Variants in LRP1B observed in about 807,000 individuals in gnomAD.
LRP1B encodes the protein LDL receptor related protein 1B, also known as low-density lipoprotein receptor-related protein 1B.
A neutral mutation model predicts 556.6 loss-of-function variants in LRP1B; 217 were observed. The ratio of observed to expected loss-of-function variants is 0.39; its 90% confidence interval spans 0.35 to 0.44. LRP1B has a LOEUF of 0.44. Ranked by LOEUF, LRP1B falls within the 20% of genes least tolerant of loss-of-function variation. The pLI is 1.00. For missense variants in LRP1B, 5,053 were observed against 5,620.8 expected, an observed-to-expected ratio of 0.90 and a Z score of 3.23; for synonymous variants, 2,047 against 1,865.8, an observed-to-expected ratio of 1.10 and a Z score of -2.50.
At chr2:140,635,652 C>T (rs1201099263) in intron 41 of LRP1B, among the ~76,000 whole-genome samples, 1 of 151,774 alleles carries the variant, frequency 6.6e-6, no homozygotes, top group Non-Finnish European at 1.5e-5. Flanking sequence ...GTTTTATGTC[C>T]TATACTATAT....
intron 1 of LRP1B, among the ~76,000 whole-genome samples, chr2:142,056,172 G>T (rs1643367766): frequency 6.6e-6 from 1 of 151,896 alleles, no homozygotes; most frequent in Non-Finnish European, 1.5e-5. Flanking sequence ...AAAATAAAAA[G>T]TGTTCACAGT....
chr2:140,705,448 C>T (rs766121494), intron 37 of LRP1B, among the ~76,000 whole-genome samples: 16 of 141,780 alleles, frequency 1.1e-4, no homozygotes, highest in South Asian at 2.3e-4. Flanking sequence ...CACTGGAACC[C>T]GGGACACAGA....
chr2:141,427,486 G>C (rs1050754670), intron 3 of LRP1B, among the ~76,000 whole-genome samples: 1 of 152,146 alleles, frequency 6.6e-6, no homozygotes. Context: ...CAAAATTGCT[G>C]TCTTGATTTA....
At position 140,541,947 on chromosome 2, in the gene LRP1B, T is replaced by A; in HGVS notation, c.7219A>T (p.Thr2407Ser). ...TCATAAACAGCCAAACTGAGGAAAG[T>A]CCCTGGCCCAGATTTAACTATCACC... ...RHVIVKSGPGTFLSLAVYDNY... is the reference protein window; with the variant it reads ...RHVIVKSGPGSFLSLAVYDNY... The change falls in exon 44 of 91, where the codon ACT becomes TCT. Residue 2407 changes from threonine (T) to serine (S), a missense_variant. This residue lies in a region of LRP1B where 3,619 missense variants were observed against 3,931.9 expected (regional missense o/e 0.92). Coordinates refer to ENST00000389484, the MANE Select transcript of LRP1B (RefSeq NM_018557.3). The A allele has an allele frequency of 6.2e-7, 1 of 1,605,912 alleles. No homozygotes were observed. Among genetic ancestry groups the A allele is most frequent in the South Asian group, 1.1e-5 (1 of 89,776 alleles).
intron 3 of LRP1B, among the ~76,000 whole-genome samples, chr2:141,278,157 G>T (rs1033439053): frequency 3.3e-5 from 5 of 151,954 alleles, no homozygotes; most frequent in African/African-American, 1.2e-4. Flanking sequence ...CAAAGGTAAA[G>T]GAAAAAAATA....
At chr2:141,483,765 T>C (rs1342238823) in intron 2 of LRP1B, among the ~76,000 whole-genome samples, 3 of 152,052 alleles carry the variant, frequency 2.0e-5, no homozygotes, top group Non-Finnish European at 4.4e-5. Flanking sequence ...TGTCTTCTTT[T>C]GAGAAGTGTC....
At chr2:141,229,999 C>T (rs1017158708) in intron 5 of LRP1B, among the ~76,000 whole-genome samples, 1 of 152,146 alleles carries the variant, frequency 6.6e-6, no homozygotes, top group African/African-American at 2.4e-5. Context: ...CAGTTCCTTC[C>T]ACATCTACTT....
intron 2 of LRP1B, among the ~76,000 whole-genome samples, chr2:141,711,836 G>A (rs973087328): frequency 1.3e-5 from 2 of 151,936 alleles, no homozygotes; most frequent in Non-Finnish European, 2.9e-5. Flanking sequence ...GACACATACA[G>A]CTTCATGTGA....
chr2:140,637,021 T>C (rs1487584301), intron 41 of LRP1B, among the ~76,000 whole-genome samples: 2 of 152,090 alleles, frequency 1.3e-5, no homozygotes, highest in Admixed American at 6.6e-5. Context: ...CCGGTGAGAG[T>C]TTATTTTATT....
intron 84 of LRP1B, among the ~76,000 whole-genome samples, chr2:140,283,028 T>C (rs948114322): frequency 7.2e-5 from 11 of 151,796 alleles, no homozygotes; most frequent in Admixed American, 1.3e-4. Flanking sequence ...TGGAAAAGTT[T>C]TATAATTCTT....
At chr2:141,323,200 C>G (rs2105475039) in intron 3 of LRP1B, among the ~76,000 whole-genome samples, 1 of 152,142 alleles carries the variant, frequency 6.6e-6, no homozygotes, top group East Asian at 1.9e-4. Context: ...GAAGTATTCT[C>G]CTGCCTATAT....
intron 5 of LRP1B, among the ~76,000 whole-genome samples, chr2:141,242,278 T>C (rs1683905193): frequency 6.6e-6 from 1 of 152,078 alleles, no homozygotes; most frequent in African/African-American, 2.4e-5. Flanking sequence ...CATGGGTAAA[T>C]TCTCCGCCTC....
intron 85 of LRP1B, among the ~76,000 whole-genome samples, chr2:140,271,435 C>T (rs1682455546): frequency 6.6e-6 from 1 of 151,920 alleles, no homozygotes; most frequent in Admixed American, 6.6e-5. Context: ...GTACATCTGT[C>T]ATAGGGTGAT....
intron 32 of LRP1B, among the ~76,000 whole-genome samples, chr2:140,796,773 G>C (rs1310268952): frequency 6.6e-6 from 1 of 152,014 alleles, no homozygotes. Flanking sequence ...CATAATTATA[G>C]TGCATTTAAA....
intron 11 of LRP1B, among the ~76,000 whole-genome samples, chr2:141,035,561 A>G (rs1384708131): frequency 3.3e-5 from 5 of 151,836 alleles, no homozygotes. Flanking sequence ...ATATTTGGCA[A>G]TTATATGATA....
intron 1 of LRP1B, among the ~76,000 whole-genome samples, chr2:141,931,794 C>CA: frequency 6.6e-6 from 1 of 152,044 alleles, no homozygotes; most frequent in Non-Finnish European, 1.5e-5. Context: ...AACCTGATTT[C>CA]AAAATGCGTG....
intron 35 of LRP1B, among the ~76,000 whole-genome samples, chr2:140,730,784 C>G (rs1353642810): frequency 4.6e-5 from 7 of 152,268 alleles, no homozygotes; most frequent in African/African-American, 1.7e-4. Flanking sequence ...GTCTCGAACT[C>G]CTGACCTCGT....
At chr2:140,964,016 G>A (rs1299810132) in intron 18 of LRP1B, among the ~76,000 whole-genome samples, 4 of 152,128 alleles carry the variant, frequency 2.6e-5, no homozygotes, top group African/African-American at 9.7e-5. Context: ...ATGTCGGGCT[G>A]CACTGTTATT....
chr2:141,747,715 G>T (rs186871795), intron 2 of LRP1B, among the ~76,000 whole-genome samples: 1 of 152,120 alleles, frequency 6.6e-6, no homozygotes, highest in African/African-American at 2.4e-5. Flanking sequence ...TTGTGTTTGG[G>T]TAATAGGCAA....
Sources: allele counts gnomAD v4.1 joint callset (sites outside exome capture counted in the v4.1 genomes callset), GRCh38; gene constraint gnomAD v4.1.1; regional missense constraint gnomAD v4.1.1; transcripts MANE v1.5; gene names NCBI Gene and HGNC (gene_info 2026-07-23, HGNC 2026-07-21).